The following SLC9C1 variants were observed in gnomAD, a reference collection of about 807,000 sequenced individuals.
SLC9C1 encodes solute carrier family 9 member C1.
A neutral mutation model predicts 140.9 loss-of-function variants in SLC9C1; 97 were observed. The ratio of observed to expected loss-of-function variants is 0.69; its 90% CI spans 0.58 to 0.82. The LOEUF (loss-of-function observed/expected upper bound fraction) is 0.82, where lower values mean the gene tolerates loss of function less well. Ranked by LOEUF, SLC9C1 falls within the 40% of genes least tolerant of loss-of-function variation. The pLI is 0.00. For synonymous variants in SLC9C1, 440 were observed against 442.6 expected (o/e 0.99, Z 0.07); for missense variants, 1,340 against 1,389.3 (o/e 0.96, Z 0.56).
chr3:112,145,449 A>G (rs1247869032), intron 28 of SLC9C1, among the ~76,000 whole-genome samples: 1 of 152,148 alleles, frequency 6.6e-6, no homozygotes, highest in Non-Finnish European at 1.5e-5. Flanking sequence ...AGGTTTTGAT[A>G]TCAGGGTGAT....
chr3:112,141,661 C>T (rs774643761), intron 28 of SLC9C1, among the ~76,000 whole-genome samples: 99 of 152,054 alleles, frequency 6.5e-4, no homozygotes, highest in Non-Finnish European at 1.1e-3. Flanking sequence ...TATTGCTGAA[C>T]GTAAAGGGTG....
At chr3:112,261,231 C>A (rs1200447517) in intron 10 of SLC9C1, among the ~76,000 whole-genome samples, 7 of 152,180 alleles carry the variant, frequency 4.6e-5, no homozygotes, top group African/African-American at 1.7e-4. Context: ...ATCCACTATT[C>A]ATCATAGTAA....
intron 6 of SLC9C1, among the ~76,000 whole-genome samples, chr3:112,274,226 GATGGTGGTAAC>G (rs1267410372): frequency 6.6e-6 from 1 of 152,040 alleles, no homozygotes; most frequent in Non-Finnish European, 1.5e-5. Context: ...TGCTTCTAGG[GATGGTGGTAAC>G]ATGAAATTTC....
chr3:112,187,876 T>C (rs1341780387), intron 20 of SLC9C1, among the ~76,000 whole-genome samples: 2 of 152,072 alleles, frequency 1.3e-5, no homozygotes, highest in East Asian at 3.8e-4. Context: ...ATCTTATATA[T>C]ACAAAATCTT....
In SLC9C1 at chr3:112,142,439, A is replaced by G. The variant is rs545141007; in HGVS notation, c.3525-1158T>C. Among the ~76,000 whole-genome samples the G allele has an allele frequency of 2.6e-5, 4 of 152,258 alleles. No homozygotes were observed. The South Asian group carries it at 8.3e-4, about 32-fold the overall frequency. On this transcript the variant is annotated intron_variant, in intron 28 of 28. Coordinates refer to ENST00000305815, the MANE Select transcript of SLC9C1 (RefSeq NM_183061.3). ...AGTCCAAAGTAAAGATATTGATCTT[A>G]TTGTAAGCAATTAATTCTTTTTTTG...
chr3:112,161,302 T>C (rs559079210), intron 26 of SLC9C1, among the ~76,000 whole-genome samples: 16 of 152,344 alleles, frequency 1.1e-4, no homozygotes, highest in Non-Finnish European at 2.1e-4. Flanking sequence ...ATTTTGGCTT[T>C]TGTTGCAATT....
At chr3:112,292,997 A>C (rs892943188) in intron 1 of SLC9C1, among the ~76,000 whole-genome samples, 6 of 76,788 alleles carry the variant, frequency 7.8e-5, no homozygotes, top group African/African-American at 2.4e-4. Context: ...GACTGAGCAC[A>C]GTGGCTCACG....
Position 112,286,707 on chromosome 3 carries a change from C to T in SLC9C1, c.85G>A (p.Gly29Arg). The part of the protein sequence containing the change: ...ILTLSLISSI[G>R]AFLNRHLEDF... ...ATAAAGAGAGAGTGATACTTACCTC[C>T]AATGGAGCTGATCAAAGACAATGTT... Residue 29 changes from glycine (G) to arginine (R), a missense_variant, in exon 2 of 29, where the codon GGA becomes AGA. Physicochemically the swap from Gly to Arg is moderately radical, Grantham distance 125 (BLOSUM62 -2). Coordinates refer to ENST00000305815, the MANE Select transcript of SLC9C1 (RefSeq NM_183061.3). 1 of 1,610,578 alleles carries T rather than the reference C, an allele frequency of 6.2e-7. No homozygotes were observed. Among genetic ancestry groups the T allele is most frequent in the South Asian group, 1.1e-5 (1 of 90,360 alleles).
chr3:112,153,811 C>T (rs1159319435), intron 27 of SLC9C1, among the ~76,000 whole-genome samples: 1 of 152,124 alleles, frequency 6.6e-6, no homozygotes. Flanking sequence ...ATACCAGAGC[C>T]CAGATTCTTG....
intron 2 of SLC9C1, among the ~76,000 whole-genome samples, chr3:112,284,989 T>C (rs950847623): frequency 9.5e-5 from 13 of 136,848 alleles, no homozygotes; most frequent in Non-Finnish European, 1.9e-4. Flanking sequence ...ATTTTTCTTT[T>C]TTTTTTTTTT....
chr3:112,170,940 G>T (rs190717924), intron 23 of SLC9C1, among the ~76,000 whole-genome samples: 1 of 152,182 alleles, frequency 6.6e-6, no homozygotes, highest in Admixed American at 6.5e-5. Context: ...TCAGCTGGGC[G>T]TGGTGGCTCA....
chr3:112,227,075 G>A (rs964107613), intron 13 of SLC9C1, among the ~76,000 whole-genome samples: 1 of 151,962 alleles, frequency 6.6e-6, no homozygotes, highest in African/African-American at 2.4e-5. Context: ...TGGAAAACCT[G>A]GGGGGAATGG....
chr3:112,189,937 G>A (rs74825064), intron 20 of SLC9C1, among the ~76,000 whole-genome samples: 15,826 of 152,162 alleles, frequency 0.1, 881 homozygotes, highest in East Asian at 0.2. Flanking sequence ...TCTCCTTGAA[G>A]AGGTCCTTCA....
chr3:112,205,983 A>G (rs1407544448), intron 16 of SLC9C1, among the ~76,000 whole-genome samples: 1 of 108,048 alleles, frequency 9.3e-6, no homozygotes, highest in Non-Finnish European at 2.0e-5. Context: ...AATGGCAACA[A>G]AAGCCAAAAT....
chr3:112,172,650 T>A (rs942809718), intron 23 of SLC9C1, among the ~76,000 whole-genome samples: 6 of 152,244 alleles, frequency 3.9e-5, no homozygotes, highest in South Asian at 2.1e-4. Flanking sequence ...TAGTTTTTCA[T>A]CACTAGATGT....
chr3:112,145,396 G>A (rs907058780), intron 28 of SLC9C1, among the ~76,000 whole-genome samples: 1 of 152,028 alleles, frequency 6.6e-6, no homozygotes, highest in African/African-American at 2.4e-5. Context: ...TATGTTGATT[G>A]GGAATATTGG....
At chr3:112,290,334 TA>T (rs1469422675) in intron 1 of SLC9C1, among the ~76,000 whole-genome samples, 2 of 152,042 alleles carry the variant, frequency 1.3e-5, no homozygotes, top group Non-Finnish European at 2.9e-5. Context: ...TAAAATTATT[TA>T]AAAATTGTAA....
At chr3:112,175,530 G>T (rs1446683955) in intron 23 of SLC9C1, among the ~76,000 whole-genome samples, 1 of 152,198 alleles carries the variant, frequency 6.6e-6, no homozygotes, top group East Asian at 1.9e-4. Flanking sequence ...ACTCTTCAAA[G>T]CCCGAAGGCA....
At chr3:112,218,411 A>T (rs957658135) in intron 14 of SLC9C1, among the ~76,000 whole-genome samples, 1 of 147,060 alleles carries the variant, frequency 6.8e-6, no homozygotes, top group Non-Finnish European at 1.5e-5. Flanking sequence ...CTTTCTATGA[A>T]TTATAATGTT....
Sources: allele counts gnomAD v4.1 joint callset (sites outside exome capture counted in the v4.1 genomes callset), GRCh38; gene constraint gnomAD v4.1.1; transcripts MANE v1.5; gene names NCBI Gene and HGNC (gene_info 2026-07-23, HGNC 2026-07-21).